Variants in ANKRD30BL observed in about 807,000 individuals in gnomAD.
The protein encoded by ANKRD30BL is ankyrin repeat domain 30B like.
ANKRD30BL carries 20 observed loss-of-function variants against 18.4 expected under a neutral mutation model. The observed-to-expected ratio is 1.09, with a 90% confidence interval of 0.77 to 1.58. ANKRD30BL has a LOEUF of 1.58. Among genes scored for constraint, ANKRD30BL ranks in the 40% most tolerant of loss-of-function variants. The pLI, the probability that ANKRD30BL is intolerant of heterozygous loss-of-function variation, is 0.00. For missense variants in ANKRD30BL, 224 were observed against 268.6 expected, an observed-to-expected ratio of 0.83 and a Z score of 1.16; for synonymous variants, 72 against 100.9, an observed-to-expected ratio of 0.71 and a Z score of 1.72.
chr2:132,225,515 G>A (rs550308605), intron 1 of ANKRD30BL, among the ~76,000 whole-genome samples: 73 of 152,158 alleles, frequency 4.8e-4, no homozygotes, highest in Middle Eastern at 6.8e-3. Context: ...CTAGACAGCA[G>A]CATCCTCAGA....
intron 1 of ANKRD30BL, among the ~76,000 whole-genome samples, chr2:132,175,146 C>T (rs1688339951): frequency 6.6e-6 from 1 of 152,134 alleles, no homozygotes; most frequent in Non-Finnish European, 1.5e-5. Flanking sequence ...GGGACTGGCG[C>T]TCAGCATACC....
Position 132,235,739 on chromosome 2 carries a change from A to G in ANKRD30BL, n.441+21790T>C, listed in dbSNP as rs1680135609. Among the ~76,000 whole-genome samples, 4 of 152,172 alleles carry G rather than the reference A, an allele frequency of 2.6e-5. No individual in the cohort carries two copies. In the South Asian group the frequency reaches 8.3e-4, roughly 31 times the overall value. On this transcript the variant is annotated intron_variant and non_coding_transcript_variant, in intron 1 of 4. Transcript: ENST00000470729. ...CCATGCTCATGGGTAGGAAGAATCA[A>G]TATCATGAAAATGGCCATACTGCCC...
chr2:132,159,644 A>G (rs916431427), intron 1 of ANKRD30BL, among the ~76,000 whole-genome samples: 3 of 152,172 alleles, frequency 2.0e-5, no homozygotes, highest in African/African-American at 7.2e-5. Flanking sequence ...TTATCTATAA[A>G]ATGACGATTT....
chr2:132,189,785 C>T (rs1678807994), intron 1 of ANKRD30BL, among the ~76,000 whole-genome samples: 1 of 152,090 alleles, frequency 6.6e-6, no homozygotes, highest in African/African-American at 2.4e-5. Flanking sequence ...CTGAGGTTAT[C>T]AGTTCAGTTC....
intron 1 of ANKRD30BL, among the ~76,000 whole-genome samples, chr2:132,189,112 T>C (rs1678791125): frequency 6.6e-6 from 1 of 152,176 alleles, no homozygotes; most frequent in Non-Finnish European, 1.5e-5. Flanking sequence ...TAGACATCCA[T>C]ACAATAGAAA....
At chr2:132,160,733 CCATTTTGTGCAAATTAATAGCA>C (rs1688034427) in intron 1 of ANKRD30BL, among the ~76,000 whole-genome samples, 1 of 151,922 alleles carries the variant, frequency 6.6e-6, no homozygotes, top group Non-Finnish European at 1.5e-5. Context: ...TGGCCATGGC[CCATTTTGTGCAAATTAATAGCA>C]CATTTTGAAA....
At chr2:132,235,990 G>A (rs929310851) in intron 1 of ANKRD30BL, among the ~76,000 whole-genome samples, 1 of 152,024 alleles carries the variant, frequency 6.6e-6, no homozygotes, top group African/African-American at 2.4e-5. Context: ...CCAAAACAGA[G>A]ATATAGATCA....
chr2:132,198,320 CTTTCTTTTTTT>C (rs1385541377), intron 1 of ANKRD30BL, among the ~76,000 whole-genome samples: 25 of 10,592 alleles, frequency 2.4e-3, no homozygotes, highest in Admixed American at 0.016. Flanking sequence ...TTCTTTCTTT[CTTTCTTTTTTT>C]TTTTTTTTTT....
At chr2:132,201,791 G>T (rs1360496161) in intron 1 of ANKRD30BL, among the ~76,000 whole-genome samples, 1 of 152,070 alleles carries the variant, frequency 6.6e-6, no homozygotes, top group Non-Finnish European at 1.5e-5. Flanking sequence ...CCCATTACTG[G>T]GTATATACCC....
At chr2:132,251,093 T>C (rs1680636735) in intron 1 of ANKRD30BL, among the ~76,000 whole-genome samples, 1 of 152,208 alleles carries the variant, frequency 6.6e-6, no homozygotes, top group Non-Finnish European at 1.5e-5. Flanking sequence ...TCATTAATCT[T>C]CAGTTTTTTT....
chr2:132,209,784 A>C (rs1042441319), intron 1 of ANKRD30BL, among the ~76,000 whole-genome samples: 5 of 152,086 alleles, frequency 3.3e-5, no homozygotes, highest in African/African-American at 1.2e-4. Flanking sequence ...GCAGTTTTGA[A>C]ACAATCTTTG....
chr2:132,161,931 A>C lies in ANKRD30BL; in HGVS notation c.-226T>G. 2 of 539,632 alleles carry C rather than the reference A, an allele frequency of 3.7e-6. No individual in the cohort carries two copies. Among genetic ancestry groups the C allele is most frequent in the South Asian group, 4.4e-5 (2 of 45,608 alleles). 33.4% of individuals were successfully genotyped at this position (539,632 alleles called of 1,614,324 possible). ...CGTTAGGCACCTGAGCAGAACCTTT[A>C]GGCAGCTGAGCAGAACCGTTAGGCA... On this transcript the variant is annotated 5_prime_UTR_variant, in exon 1 of 6. Transcript: ENST00000409867.
intron 1 of ANKRD30BL, among the ~76,000 whole-genome samples, chr2:132,212,199 T>C (rs1339004220): frequency 6.6e-6 from 1 of 151,832 alleles, no homozygotes. Flanking sequence ...TTGCAGAATC[T>C]GCAGGTGGAT....
Position 132,160,599 on chromosome 2 carries a change from C to T in ANKRD30BL, c.218+889G>A, listed in dbSNP as rs200414743. On this transcript the variant is annotated intron_variant, in intron 1 of 5. Coordinates refer to ENST00000409867, the MANE Select transcript of ANKRD30BL (RefSeq NM_001358416.1). ...GACTACAGGCGCCCACCACCACGCC[C>T]GGCTAATTTTTTGTATTTTTAGTAG... is the stretch of plus-strand genomic sequence containing the variant. 2.2e-4 allele frequency among the ~76,000 whole-genome samples: 33 copies of T among 151,096 alleles called. No individual in the cohort carries two copies. The East Asian group carries it at 3.6e-3, about 16-fold the overall frequency.
In ANKRD30BL at chr2:132,248,492, G is replaced by A. The variant is rs62164054; in HGVS notation, n.441+9037C>T. Among the ~76,000 whole-genome samples, 204 of 151,638 alleles carry A rather than the reference G, an allele frequency of 1.3e-3. 1 individual carries two copies. Among genetic ancestry groups the A allele is most frequent in the African/African-American group, 4.6e-3 (190 of 41,480 alleles). ...AAAGCGCTCAAAATATCCCTTTGCA[G>A]ATTCTCTGAAAAGACTCTTTCCAAA... On this transcript the variant is annotated intron_variant and non_coding_transcript_variant, in intron 1 of 4. Transcript: ENST00000470729.
chr2:132,171,459 A>G (rs939092340), intron 1 of ANKRD30BL, among the ~76,000 whole-genome samples: 3 of 152,144 alleles, frequency 2.0e-5, no homozygotes, highest in African/African-American at 7.2e-5. Context: ...GAAAAAGACA[A>G]TGCCAGACCT....
intron 1 of ANKRD30BL, among the ~76,000 whole-genome samples, chr2:132,207,029 T>A (rs1679224745): frequency 6.6e-6 from 1 of 152,116 alleles, no homozygotes; most frequent in African/African-American, 2.4e-5. Context: ...TGGCCCACTC[T>A]AATGCATTAT....
intron 1 of ANKRD30BL, among the ~76,000 whole-genome samples, chr2:132,243,741 A>G (rs1448451672): frequency 2.6e-5 from 4 of 151,908 alleles, no homozygotes; most frequent in Non-Finnish European, 4.4e-5. Context: ...ATCTTCACAT[A>G]AAAACAAGAC....
chr2:132,213,974 A>G (rs1679423620), intron 1 of ANKRD30BL, among the ~76,000 whole-genome samples: 1 of 151,828 alleles, frequency 6.6e-6, no homozygotes, highest in South Asian at 2.1e-4. Flanking sequence ...GTGATGGTCA[A>G]TAACGAAATA....
Sources: allele counts gnomAD v4.1 joint callset (sites outside exome capture counted in the v4.1 genomes callset), GRCh38; gene constraint gnomAD v4.1.1; transcripts MANE v1.5; gene names NCBI Gene and HGNC (gene_info 2026-07-23, HGNC 2026-07-21).